Variants in VAT1L observed in about 807,000 individuals in gnomAD.
VAT1L encodes vesicle amine transport 1 like.
In VAT1L, 34 loss-of-function variants were observed where a neutral mutation model predicts 44.1. The observed-to-expected ratio is 0.77, with a 90% CI of 0.59 to 1.03. VAT1L has a LOEUF of 1.03. Among genes scored for constraint, VAT1L ranks in the 50% least tolerant of loss-of-function variants. The probability of loss-of-function intolerance (pLI) is 0.00; values close to 1 mark genes in which losing one functional copy is unlikely to be tolerated. For missense variants in VAT1L, 615 were observed against 538.8 expected (o/e 1.14, Z -1.40); for synonymous variants, 253 against 202.2 (o/e 1.25, Z -2.13).
rs567433681 is a variant in VAT1L at position 77,928,154 on chromosome 16, A to AG, written c.1077+43353dup. On this transcript the variant is annotated intron_variant, in intron 7 of 8. Transcript: ENST00000302536. Reference sequence around the variant, plus strand: ...TGTTTAGTTCAATCAAAGACCCCAGAGCTGGCCTCCTTTTGTAAAGATGAA... The same window carrying AG: ...TGTTTAGTTCAATCAAAGACCCCAGAGGCTGGCCTCCTTTTGTAAAGATGAA... 4.8e-3 allele frequency among the ~76,000 whole-genome samples: 731 copies of AG among 152,276 alleles called. 4 individuals are homozygous for AG. The highest frequency in any genetic ancestry group is 0.017 in the African/African-American group (695 of 41,550).
intron 7 of VAT1L, among the ~76,000 whole-genome samples, chr16:77,946,490 G>C (rs1395660551): frequency 6.6e-6 from 1 of 151,506 alleles, no homozygotes; most frequent in African/African-American, 2.4e-5. Flanking sequence ...CACCGTGTTA[G>C]CCAGCATGAT....
intron 4 of VAT1L, among the ~76,000 whole-genome samples, chr16:77,868,628 T>A (rs1484952507): frequency 6.6e-6 from 1 of 152,196 alleles, no homozygotes; most frequent in East Asian, 1.9e-4. Context: ...GAGCTTGTGA[T>A]CTTTCTAGCA....
At chr16:77,815,185 C>G (rs1028268762) in intron 1 of VAT1L, among the ~76,000 whole-genome samples, 3 of 152,166 alleles carry the variant, frequency 2.0e-5, no homozygotes, top group African/African-American at 4.8e-5. Context: ...CCTGGATAAC[C>G]ACTAATCATT....
chr16:77,934,128 C>G (rs1020527690), intron 7 of VAT1L, among the ~76,000 whole-genome samples: 1 of 152,104 alleles, frequency 6.6e-6, no homozygotes, highest in Non-Finnish European at 1.5e-5. Flanking sequence ...CTGGATAAGA[C>G]TGTTCAAAAG....
At chr16:77,974,889 T>G (rs949761218) in intron 8 of VAT1L, among the ~76,000 whole-genome samples, 1 of 152,010 alleles carries the variant, frequency 6.6e-6, no homozygotes, top group African/African-American at 2.4e-5. Flanking sequence ...CTTTTATCCC[T>G]GGGACCTAAA....
At chr16:77,915,061 G>T (rs974842255) in intron 7 of VAT1L, among the ~76,000 whole-genome samples, 1 of 152,102 alleles carries the variant, frequency 6.6e-6, no homozygotes, top group Non-Finnish European at 1.5e-5. Flanking sequence ...GGAGGCGGAG[G>T]TTGCGGTGAG....
chr16:77,869,736 T>A (rs1438069204), intron 4 of VAT1L, among the ~76,000 whole-genome samples: 1 of 152,144 alleles, frequency 6.6e-6, no homozygotes, highest in Admixed American at 6.5e-5. Context: ...CTCTGGAAGT[T>A]AGGAAACTGC....
intron 7 of VAT1L, among the ~76,000 whole-genome samples, chr16:77,927,770 G>A (rs2017686835): frequency 1.3e-5 from 2 of 152,256 alleles, no homozygotes; most frequent in Middle Eastern, 3.4e-3. Flanking sequence ...TCGGGAGGAT[G>A]AGGCAGGAGA....
rs979967209 is a variant in VAT1L at position 77,804,442 on chromosome 16, G to T, written c.234-12479G>T. Among the ~76,000 whole-genome samples the T allele has an allele frequency of 2.6e-5, 4 of 152,106 alleles. No individual in the cohort carries two copies. In the South Asian group the frequency reaches 8.3e-4, roughly 32 times the overall value. ...ATTTAGATTCTCAATATGTCTCCTGGCTGTTTTGTTCTGTGTTGGAAATAC... is the reference window on the plus strand; with the variant it reads ...ATTTAGATTCTCAATATGTCTCCTGTCTGTTTTGTTCTGTGTTGGAAATAC... On this transcript the variant is annotated intron_variant, in intron 1 of 8. Coordinates refer to ENST00000302536, the MANE Select transcript of VAT1L (RefSeq NM_020927.3).
At chr16:77,873,319 G>A (rs1445753302) in intron 4 of VAT1L, among the ~76,000 whole-genome samples, 1 of 152,198 alleles carries the variant, frequency 6.6e-6, no homozygotes, top group Admixed American at 6.5e-5. Flanking sequence ...GAGTTAAAAT[G>A]CCTGCCTCAT....
intron 7 of VAT1L, among the ~76,000 whole-genome samples, chr16:77,935,212 T>C (rs2017778787): frequency 6.6e-6 from 1 of 152,144 alleles, no homozygotes; most frequent in South Asian, 2.1e-4. Context: ...AAATCTCTTT[T>C]AGGTTGTAGG....
At chr16:77,847,625 A>G (rs534035480) in intron 3 of VAT1L, among the ~76,000 whole-genome samples, 1 of 152,292 alleles carries the variant, frequency 6.6e-6, no homozygotes, top group African/African-American at 2.4e-5. Flanking sequence ...CCTGAGGAAG[A>G]TCACCCTTTC....
rs768715269 is a variant in VAT1L at position 77,805,523 on chromosome 16, G to A, written c.234-11398G>A. 3.3e-5 allele frequency among the ~76,000 whole-genome samples: 5 copies of A among 152,156 alleles called. No homozygotes were observed. The South Asian group carries it at 6.2e-4, about 19-fold the overall frequency. ...TTGATGAACATATTATCAGCAAGAC[G>A]AGAGCAGAATAAGCAAAGAGCACAC... On this transcript the variant is annotated intron_variant, in intron 1 of 8. Coordinates refer to ENST00000302536, the MANE Select transcript of VAT1L (RefSeq NM_020927.3).
intron 7 of VAT1L, among the ~76,000 whole-genome samples, chr16:77,900,716 G>T (rs1165897799): frequency 6.7e-6 from 1 of 149,698 alleles, no homozygotes; most frequent in African/African-American, 2.5e-5. Flanking sequence ...AAAGAAAATA[G>T]AAAAAAAGGC....
At chr16:77,969,623 T>A (rs770012499) in intron 7 of VAT1L, among the ~76,000 whole-genome samples, 30 of 152,176 alleles carry the variant, frequency 2.0e-4, no homozygotes, top group Admixed American at 8.5e-4. Context: ...GTCACGGTCC[T>A]TTATTACCTA....
chr16:77,926,169 C>T (rs572901845), intron 7 of VAT1L, among the ~76,000 whole-genome samples: 20 of 149,262 alleles, frequency 1.3e-4, no homozygotes, highest in Admixed American at 9.6e-4. Flanking sequence ...AGGAGAGTGG[C>T]GTGAACCCGG....
At chr16:77,883,265 A>C (rs540948140) in intron 6 of VAT1L, among the ~76,000 whole-genome samples, 1 of 152,134 alleles carries the variant, frequency 6.6e-6, no homozygotes, top group South Asian at 2.1e-4. Flanking sequence ...TCCCCCAGAA[A>C]CTGGACGCTT....
intron 8 of VAT1L, among the ~76,000 whole-genome samples, chr16:77,975,214 T>C (rs2018324505): frequency 7.5e-6 from 1 of 132,854 alleles, no homozygotes; most frequent in East Asian, 2.1e-4. Context: ...TTTTTTTTTT[T>C]TTTTTTTTTT....
At chr16:77,938,524 G>A (rs2017832494) in intron 7 of VAT1L, among the ~76,000 whole-genome samples, 3 of 152,168 alleles carry the variant, frequency 2.0e-5, no homozygotes, top group Admixed American at 2.0e-4. Context: ...TCTTGGTACT[G>A]TACAGCGAGT....
Sources: allele counts gnomAD v4.1 joint callset (sites outside exome capture counted in the v4.1 genomes callset), GRCh38; gene constraint gnomAD v4.1.1; transcripts MANE v1.5; gene names NCBI Gene and HGNC (gene_info 2026-07-23, HGNC 2026-07-21).